Variants in CTNNA2 observed in about 807,000 individuals in gnomAD.
CTNNA2 encodes the protein catenin alpha 2.
Under a neutral mutation model 101.0 loss-of-function variants are expected in CTNNA2, and 42 were observed. The observed-to-expected ratio is 0.42, with a 90% CI of 0.32 to 0.54. CTNNA2 has a LOEUF of 0.54. Among genes scored for constraint, CTNNA2 ranks in the 20% least tolerant of loss-of-function variants. The pLI is 0.14. For synonymous variants in CTNNA2, 450 were observed against 456.4 expected, an observed-to-expected ratio of 0.99 and a Z score of 0.18; for missense variants, 871 against 1,223.1, an observed-to-expected ratio of 0.71 and a Z score of 4.29.
At chr2:80,530,218 T>G (rs777277045) in intron 9 of CTNNA2, among the ~76,000 whole-genome samples, 4 of 152,076 alleles carry the variant, frequency 2.6e-5, no homozygotes, top group African/African-American at 4.8e-5. Context: ...CCAGGTGACG[T>G]GAAATAACCC....
chr2:79,803,375 T>A (rs1041329698), intron 3 of CTNNA2, among the ~76,000 whole-genome samples: 1 of 152,242 alleles, frequency 6.6e-6, no homozygotes, highest in Non-Finnish European at 1.5e-5. Flanking sequence ...TTTACCCACA[T>A]ATTTATTAAC....
At chr2:79,594,517 A>G (rs116737272) in intron 1 of CTNNA2, among the ~76,000 whole-genome samples, 1,887 of 152,356 alleles carry the variant, frequency 0.012, 20 homozygotes, top group Non-Finnish European at 0.019. Flanking sequence ...CGCTTGGCAC[A>G]TAGTAGGAAC....
At chr2:79,927,477 A>G (rs1687102152) in intron 7 of CTNNA2, among the ~76,000 whole-genome samples, 1 of 152,106 alleles carries the variant, frequency 6.6e-6, no homozygotes, top group African/African-American at 2.4e-5. Context: ...AAAGGAGAAA[A>G]ACAGATTCAA....
Position 79,746,464 on chromosome 2 carries a change from C to T in CTNNA2, c.298+1882C>T, listed in dbSNP as rs1280908116. Among the ~76,000 whole-genome samples, 3 of 152,178 alleles carry T rather than the reference C, an allele frequency of 2.0e-5. No individual in the cohort carries two copies. The East Asian group carries it at 5.8e-4, about 29-fold the overall frequency. On this transcript the variant is annotated intron_variant, in intron 3 of 18. Coordinates refer to ENST00000402739, the MANE Select transcript of CTNNA2 (RefSeq NM_001282597.3). ...CTAAGGACCATGAAATCAGAACAGA[C>T]ACCTACTCCCAAGCTTGGTCTCTCT...
intron 7 of CTNNA2, among the ~76,000 whole-genome samples, chr2:79,962,534 C>T (rs1406367025): frequency 2.6e-5 from 4 of 152,126 alleles, no homozygotes; most frequent in African/African-American, 9.7e-5. Context: ...TCACTTTTAC[C>T]ATAACCACAG....
At chr2:79,822,236 T>C (rs943062809) in intron 3 of CTNNA2, among the ~76,000 whole-genome samples, 1 of 152,094 alleles carries the variant, frequency 6.6e-6, no homozygotes, top group Non-Finnish European at 1.5e-5. Flanking sequence ...AATCGATGTT[T>C]AAGGAACTAA....
chr2:79,391,973 G>A (rs1678178058), intron 4 of CTNNA2, among the ~76,000 whole-genome samples: 1 of 152,078 alleles, frequency 6.6e-6, no homozygotes, highest in African/African-American at 2.4e-5. Context: ...CACTTCCCTG[G>A]TGTCTCTGTG....
intron 7 of CTNNA2, among the ~76,000 whole-genome samples, chr2:80,081,554 C>G (rs573315179): frequency 7.1e-6 from 1 of 141,134 alleles, no homozygotes; most frequent in South Asian, 2.6e-4. Flanking sequence ...TGTAAAATCT[C>G]AAACTCCAAT....
intron 2 of CTNNA2, among the ~76,000 whole-genome samples, chr2:79,690,294 GA>G (rs1361409488): frequency 6.6e-6 from 1 of 151,942 alleles, no homozygotes; most frequent in Admixed American, 6.6e-5. Context: ...AGAATTATTG[GA>G]ACACTGAAAA....
At chr2:79,698,084 C>T (rs572153031) in intron 2 of CTNNA2, among the ~76,000 whole-genome samples, 4 of 152,018 alleles carry the variant, frequency 2.6e-5, no homozygotes, top group East Asian at 3.9e-4. Context: ...TTGGTGGCTG[C>T]GCTTGCTGTT....
intron 7 of CTNNA2, among the ~76,000 whole-genome samples, chr2:80,094,916 G>T (rs7562006): frequency 0.045 from 6,872 of 152,128 alleles, 488 homozygotes; most frequent in African/African-American, 0.15. Flanking sequence ...GAGACAATGG[G>T]GTTTTCTAGA....
intron 7 of CTNNA2, among the ~76,000 whole-genome samples, chr2:79,961,987 A>G (rs796456017): frequency 7.9e-5 from 12 of 152,320 alleles, no homozygotes; most frequent in Non-Finnish European, 1.5e-4. Context: ...CTTGACTGCT[A>G]TCACATACCT....
intron 9 of CTNNA2, among the ~76,000 whole-genome samples, chr2:80,467,171 G>T (rs1559134189): frequency 6.6e-6 from 1 of 152,156 alleles, no homozygotes; most frequent in Non-Finnish European, 1.5e-5. Flanking sequence ...GTAGAGCTAT[G>T]ATTCAGACTT....
intron 6 of CTNNA2, among the ~76,000 whole-genome samples, chr2:79,883,341 C>CT (rs1311347402): frequency 6.6e-6 from 1 of 152,124 alleles, no homozygotes; most frequent in African/African-American, 2.4e-5. Context: ...TGGCTAAATG[C>CT]TTGGTGACCT....
At chr2:79,583,136 T>C (rs1206575174) in intron 1 of CTNNA2, among the ~76,000 whole-genome samples, 1 of 152,024 alleles carries the variant, frequency 6.6e-6, no homozygotes, top group Non-Finnish European at 1.5e-5. Context: ...TAGTCATCAG[T>C]TGATGAACTT....
chr2:80,014,025 T>A (rs994274304), intron 7 of CTNNA2, among the ~76,000 whole-genome samples: 2 of 152,188 alleles, frequency 1.3e-5, no homozygotes, highest in Admixed American at 1.3e-4. Flanking sequence ...GGATTTACAA[T>A]GTAGGACTAG....
At chr2:79,970,779 G>T (rs1034886724) in intron 7 of CTNNA2, among the ~76,000 whole-genome samples, 1 of 151,628 alleles carries the variant, frequency 6.6e-6, no homozygotes, top group Non-Finnish European at 1.5e-5. Context: ...TTTGATGAAA[G>T]CTAAATGTGA....
intron 7 of CTNNA2, among the ~76,000 whole-genome samples, chr2:80,227,622 C>A (rs909767178): frequency 5.3e-5 from 8 of 152,126 alleles, no homozygotes; most frequent in African/African-American, 1.9e-4. Context: ...GGCGTGATGA[C>A]CCACAAATGT....
At chr2:80,552,728 A>G (rs1692683459) in intron 11 of CTNNA2, among the ~76,000 whole-genome samples, 1 of 152,206 alleles carries the variant, frequency 6.6e-6, no homozygotes, top group Non-Finnish European at 1.5e-5. Flanking sequence ...ACAGCACGTT[A>G]CTGTACTGAA....
Sources: allele counts gnomAD v4.1 joint callset (sites outside exome capture counted in the v4.1 genomes callset), GRCh38; gene constraint gnomAD v4.1.1; transcripts MANE v1.5; gene names NCBI Gene and HGNC (gene_info 2026-07-23, HGNC 2026-07-21).